UGT1A8: variants seen among roughly 807,000 people sequenced by gnomAD.
UGT1A8 encodes the protein UDP glucuronosyltransferase family 1 member A8.
A neutral mutation model predicts 45.3 loss-of-function variants in UGT1A8; 39 were observed. The ratio of observed to expected loss-of-function variants is 0.86; its 90% CI spans 0.67 to 1.12. The LOEUF is 1.12. Among genes scored for constraint, UGT1A8 ranks in the 50% most tolerant of loss-of-function variants. The pLI is 0.00. For missense variants in UGT1A8, 719 were observed against 664.9 expected (o/e 1.08, Z -0.90); for synonymous variants, 275 against 249.2 (o/e 1.10, Z -0.97).
chr2:233,757,439 A>G (rs942606489), intron 1 of UGT1A8, among the ~76,000 whole-genome samples: 6 of 151,228 alleles, frequency 4.0e-5, no homozygotes, highest in African/African-American at 1.5e-4. Flanking sequence ...AGTCACTTCT[A>G]TACAGAAACA....
intron 1 of UGT1A8, among the ~76,000 whole-genome samples, chr2:233,641,590 T>C (rs2073454194): frequency 6.6e-6 from 1 of 152,264 alleles, no homozygotes; most frequent in African/African-American, 2.4e-5. Context: ...GTGTACTTAC[T>C]ATTACCAGTG....
intron 1 of UGT1A8, among the ~76,000 whole-genome samples, chr2:233,734,844 A>G (rs1575606786): frequency 6.6e-6 from 1 of 152,286 alleles, no homozygotes; most frequent in Middle Eastern, 3.4e-3. Flanking sequence ...TTCTTAATCC[A>G]GAGTTCTAAT....
chr2:233,756,771 G>C (rs1424521769), intron 1 of UGT1A8, among the ~76,000 whole-genome samples: 1 of 152,000 alleles, frequency 6.6e-6, no homozygotes, highest in Non-Finnish European at 1.5e-5. Context: ...TGGATTCTTT[G>C]CTTTGATAAA....
chr2:233,688,361 T>C (rs1481514327), intron 1 of UGT1A8, among the ~76,000 whole-genome samples: 1 of 152,258 alleles, frequency 6.6e-6, no homozygotes, highest in Admixed American at 6.5e-5. Flanking sequence ...AAAATAATGT[T>C]GTTGTGAACA....
chr2:233,743,808 C>T (rs2125856217), intron 1 of UGT1A8: 1 of 1,367,328 alleles, frequency 7.3e-7, no homozygotes, highest in South Asian at 1.1e-5. Flanking sequence ...TCCTTGTTCT[C>T]AGGGTTTTTG....
intron 1 of UGT1A8, among the ~76,000 whole-genome samples, chr2:233,636,103 T>C (rs2073284552): frequency 6.6e-6 from 1 of 151,084 alleles, no homozygotes; most frequent in African/African-American, 2.4e-5. Flanking sequence ...TGCCAATTTC[T>C]TTCTGGACAG....
At chr2:233,650,997 T>C (rs915428803) in intron 1 of UGT1A8, among the ~76,000 whole-genome samples, 3 of 152,228 alleles carry the variant, frequency 2.0e-5, no homozygotes, top group African/African-American at 7.2e-5. Flanking sequence ...CATCGGCAGC[T>C]GTTTGGTAAA....
At chr2:233,653,814 C>T (rs1250033043) in intron 1 of UGT1A8, among the ~76,000 whole-genome samples, 4 of 152,222 alleles carry the variant, frequency 2.6e-5, no homozygotes, top group Admixed American at 2.6e-4. Flanking sequence ...CCAGGTTGGT[C>T]TTGAACTCCT....
At chr2:233,741,729 C>T (rs1433169561) in intron 1 of UGT1A8, 1 of 151,846 alleles carries the variant, frequency 6.6e-6, no homozygotes, top group Admixed American at 6.5e-5. Context: ...CATATCCAAA[C>T]CCATATCACA....
At chr2:233,690,705 G>A (rs563167001) in intron 1 of UGT1A8, 68 of 1,228,730 alleles carry the variant, frequency 5.5e-5, no homozygotes, top group African/African-American at 9.5e-5. Context: ...TTTAGGGATC[G>A]TCATTATGAC....
chr2:233,688,991 T>C (rs186790665), intron 1 of UGT1A8, among the ~76,000 whole-genome samples: 106 of 152,308 alleles, frequency 7.0e-4, no homozygotes, highest in African/African-American at 2.4e-3. Context: ...CATCCCTATG[T>C]CCCAGGGTCT....
At chr2:233,675,454 G>A (rs2074322313) in intron 1 of UGT1A8, among the ~76,000 whole-genome samples, 2 of 152,278 alleles carry the variant, frequency 1.3e-5, no homozygotes, top group Admixed American at 6.5e-5. Flanking sequence ...TTCAGGCTTT[G>A]TCTATACCAT....
rs1400022213 is a variant in UGT1A8 at position 233,618,401 on chromosome 2, T to C, written c.694T>C (p.Ser232Pro). 2 of 1,613,834 alleles carry C rather than the reference T, an allele frequency of 1.2e-6. No homozygotes were observed. Among genetic ancestry groups the C allele is most frequent in the East Asian group, 2.2e-5 (1 of 44,878 alleles). Residue 232 changes from serine (S) to proline (P), a missense_variant, in exon 1 of 5, where the codon TCT (serine) becomes CCT (proline). Transcript: ENST00000373450. ...TTCCAAAAATGCCCTAGAAATAGCC[T>C]CTGAAATTCTCCAAACACCTGTCAC... Reference protein sequence around the residue: ...YFSKNALEIASEILQTPVTAY... With the variant: ...YFSKNALEIAPEILQTPVTAY...
At chr2:233,725,198 A>AGAGGCAGAGGCAGAGGCAGAG (rs1377722142) in intron 1 of UGT1A8, among the ~76,000 whole-genome samples, 1 of 86,634 alleles carries the variant, frequency 1.2e-5, no homozygotes, top group Non-Finnish European at 2.0e-5. Context: ...AGGCAGAGGC[A>AGAGGCAGAGGCAGAGGCAGAG]GAGGCAGAGG....
intron 1 of UGT1A8, among the ~76,000 whole-genome samples, chr2:233,620,949 A>AGTATGTGTTTGCACAT (rs1220200013): frequency 6.6e-6 from 1 of 152,090 alleles, no homozygotes; most frequent in Non-Finnish European, 1.5e-5. Flanking sequence ...TTAGTGATAG[A>AGTATGTGTTTGCACAT]GTATGTGTTT....
In UGT1A8 at chr2:233,724,385, C is replaced by T. The variant is rs1406263837; in HGVS notation, c.856-42649C>T. ...GGACGGGGTGGCTGCCGGGCGGAGA[C>T]GCTCCTCACTTCCCAGATGGGGTGG... is the stretch of plus-strand genomic sequence containing the variant. On this transcript the variant is annotated intron_variant, in intron 1 of 4. Coordinates refer to ENST00000373450, the MANE Select transcript of UGT1A8 (RefSeq NM_019076.5). Among the ~76,000 whole-genome samples the T allele has an allele frequency of 2.7e-3, 360 of 130,940 alleles. 4 individuals are homozygous for T. Among genetic ancestry groups the T allele is most frequent in the African/African-American group, 9.9e-3 (334 of 33,572 alleles). 85.9% of individuals were successfully genotyped at this position (130,940 alleles called of 152,430 possible).
chr2:233,631,680 G>A (rs903783912), intron 1 of UGT1A8, among the ~76,000 whole-genome samples: 7 of 151,922 alleles, frequency 4.6e-5, no homozygotes, highest in Non-Finnish European at 8.8e-5. Context: ...CTTTTTGATG[G>A]GGTTTTTTTT....
chr2:233,656,292 A>G (rs1363273500), intron 1 of UGT1A8, among the ~76,000 whole-genome samples: 2 of 152,204 alleles, frequency 1.3e-5, no homozygotes, highest in African/African-American at 2.4e-5. Context: ...ACTCAAATTC[A>G]CAGTCTCCGT....
chr2:233,723,423 T>C (rs948656424), intron 1 of UGT1A8, among the ~76,000 whole-genome samples: 4 of 135,658 alleles, frequency 2.9e-5, no homozygotes, highest in African/African-American at 8.8e-5. Flanking sequence ...CTGGTCAGGC[T>C]GGTCTCGAAC....
Sources: gnomAD v4.1 joint callset for allele counts (sites outside exome capture counted in the v4.1 genomes callset) on GRCh38, gnomAD v4.1.1 for gene constraint, MANE v1.5 for transcripts, NCBI Gene and HGNC (gene_info 2026-07-23, HGNC 2026-07-21) for gene names.